Variants in ZMYM2 observed in about 807,000 individuals in gnomAD.
ZMYM2 encodes the protein zinc finger MYM-type protein 2.
In ZMYM2, 56 loss-of-function variants were observed where a neutral mutation model predicts 162.8. The observed-to-expected ratio is 0.34, with a 90% CI of 0.28 to 0.43. The LOEUF is 0.43. Ranked by LOEUF, ZMYM2 falls within the 20% of genes least tolerant of loss-of-function variation. ZMYM2 has a pLI of 1.00. For missense variants in ZMYM2, 1,275 were observed against 1,621.8 expected (o/e 0.79, Z 3.67); for synonymous variants, 510 against 541.6 (o/e 0.94, Z 0.81).
chr13:19,901,135 C>T, the ZMYM2 span, among the ~76,000 whole-genome samples: 2 of 152,124 alleles, frequency 1.3e-5, no homozygotes, highest in Non-Finnish European at 1.5e-5. Context: ...ATAAGGGCAT[C>T]AATGCCACAA....
At chr13:20,075,347 A>C (rs1957409739) in intron 21 of ZMYM2, among the ~76,000 whole-genome samples, 1 of 152,186 alleles carries the variant, frequency 6.6e-6, no homozygotes, top group South Asian at 2.1e-4. Flanking sequence ...TCTGTTTTGT[A>C]CATTGAAAAA....
At position 20,086,089 on chromosome 13, in the gene ZMYM2, C is replaced by T; in HGVS notation, c.*75C>T. The T allele has an allele frequency of 6.9e-7, 1 of 1,457,050 alleles. No homozygotes were observed. The allele number at this position is 1,457,050 out of a possible 1,614,324, so 90.3% of individuals were successfully genotyped here. ...GCTGCTAGATCTTTATTATGGAAAA[C>T]ATTTCAAGTTTACTCCTTCTGTTTT... On this transcript the variant is annotated 3_prime_UTR_variant, in exon 25 of 25. Transcript: ENST00000610343.
intron 4 of ZMYM2, among the ~76,000 whole-genome samples, chr13:20,003,497 A>C (rs1187079472): frequency 6.6e-6 from 1 of 151,994 alleles, no homozygotes; most frequent in Non-Finnish European, 1.5e-5. Context: ...TAAAATTGGC[A>C]AGTCTTTGGA....
chr13:20,063,266 G>A (rs866133632), intron 18 of ZMYM2, among the ~76,000 whole-genome samples: 2 of 151,838 alleles, frequency 1.3e-5, no homozygotes, highest in Non-Finnish European at 2.9e-5. Context: ...AGCCAGGCGT[G>A]GTGGTGCATG....
At chr13:19,951,206 G>C in the ZMYM2 span, among the ~76,000 whole-genome samples, 2 of 151,988 alleles carry the variant, frequency 1.3e-5, no homozygotes, top group African/African-American at 2.4e-5. Context: ...GAAAGCACAG[G>C]TACCAACAGC....
At chr13:19,923,847 T>C in the ZMYM2 span, among the ~76,000 whole-genome samples, 1 of 151,876 alleles carries the variant, frequency 6.6e-6, no homozygotes, top group African/African-American at 2.4e-5. Flanking sequence ...ATTTTTGTAT[T>C]TTTGGTATAG....
the ZMYM2 span, among the ~76,000 whole-genome samples, chr13:19,944,567 T>C: frequency 6.6e-6 from 1 of 152,332 alleles, no homozygotes; most frequent in Non-Finnish European, 1.5e-5. Context: ...GTAACAGTGG[T>C]TGTCTCTGGA....
chr13:19,919,511 T>C, the ZMYM2 span, among the ~76,000 whole-genome samples: 4 of 151,774 alleles, frequency 2.6e-5, no homozygotes, highest in Non-Finnish European at 4.4e-5. Flanking sequence ...CATCATAGGG[T>C]ATTTTTACCA....
intron 2 of ZMYM2, among the ~76,000 whole-genome samples, chr13:19,977,635 G>A (rs1217251688): frequency 1.1e-4 from 17 of 150,374 alleles, no homozygotes; most frequent in African/African-American, 3.4e-4. Context: ...TGGGACTACC[G>A]TCCGCCACCA....
chr13:20,022,488 T>C (rs539206619), intron 7 of ZMYM2, among the ~76,000 whole-genome samples: 69 of 152,316 alleles, frequency 4.5e-4, no homozygotes, highest in African/African-American at 1.4e-3. Flanking sequence ...TTGCTATTTT[T>C]CCCTCTGTAT....
At chr13:20,020,234 C>CTTTT (rs71198951) in intron 7 of ZMYM2, among the ~76,000 whole-genome samples, 1 of 137,194 alleles carries the variant, frequency 7.3e-6, no homozygotes, top group Admixed American at 7.4e-5. Flanking sequence ...TATTCCTCTT[C>CTTTT]TTTTTTTTTT....
intron 11 of ZMYM2, 110 bp from the exon 12 acceptor site, chr13:20,036,627 A>G (rs1316156316): frequency 2.4e-6 from 2 of 819,748 alleles, no homozygotes; most frequent in East Asian, 3.1e-5. Flanking sequence ...AGTAGATTTT[A>G]TAGTTTTGAT....
chr13:19,905,393 G>A, the ZMYM2 span, among the ~76,000 whole-genome samples: 2 of 152,116 alleles, frequency 1.3e-5, no homozygotes, highest in African/African-American at 4.8e-5. Context: ...CAACCATCCA[G>A]GTTAGGCAAC....
intron 18 of ZMYM2, 98 bp downstream of exon 18, chr13:20,063,069 G>T: frequency 7.7e-7 from 1 of 1,305,066 alleles, no homozygotes; most frequent in South Asian, 1.7e-5. Context: ...TTTTAGCAGT[G>T]TTCATATTTT....
chr13:20,043,334 T>C (rs1345489893), intron 12 of ZMYM2, among the ~76,000 whole-genome samples: 1 of 152,198 alleles, frequency 6.6e-6, no homozygotes, highest in African/African-American at 2.4e-5. Flanking sequence ...CATTGGCATG[T>C]GCCAGCAGCA....
At chr13:19,958,187 C>T (rs937206279), upstream of ZMYM2, among the ~76,000 whole-genome samples, 9 of 151,732 alleles carry the variant, frequency 5.9e-5, no homozygotes, top group Non-Finnish European at 1.3e-4. Context: ...CCCACTCGGA[C>T]CCGCTCCAGC....
At chr13:19,930,792 G>A in the ZMYM2 span, among the ~76,000 whole-genome samples, 1 of 151,032 alleles carries the variant, frequency 6.6e-6, no homozygotes, top group South Asian at 2.1e-4. Context: ...GCCTGCCTCG[G>A]TTTTCCAAAG....
At chr13:19,874,216 A>C in the ZMYM2 span, among the ~76,000 whole-genome samples, 1 of 151,748 alleles carries the variant, frequency 6.6e-6, no homozygotes, top group East Asian at 1.9e-4. Flanking sequence ...GATTTTCTTT[A>C]TTTCTTTTTC....
chr13:19,942,555 A>G, the ZMYM2 span, among the ~76,000 whole-genome samples: 1 of 150,896 alleles, frequency 6.6e-6, no homozygotes, highest in Admixed American at 6.6e-5. Context: ...AAAAAAAAAA[A>G]GAAAATTAGC....
Sources: gnomAD v4.1 joint callset for allele counts (sites outside exome capture counted in the v4.1 genomes callset) on GRCh38, gnomAD v4.1.1 for gene constraint, MANE v1.5 for transcripts, NCBI Gene and HGNC (gene_info 2026-07-23, HGNC 2026-07-21) for gene names.